Variants in STK32B observed in about 807,000 individuals in gnomAD.
The protein encoded by STK32B is serine/threonine-protein kinase 32B.
In STK32B, 43 loss-of-function variants were observed where a neutral mutation model predicts 52.6. The observed-to-expected ratio is 0.82, with a 90% confidence interval of 0.64 to 1.05. STK32B has a LOEUF of 1.05. Among genes scored for constraint, STK32B ranks in the 50% least tolerant of loss-of-function variants. The pLI is 0.00. For missense variants in STK32B, 621 were observed against 534.6 expected, an observed-to-expected ratio of 1.16 and a Z score of -1.59; for synonymous variants, 238 against 204.3, an observed-to-expected ratio of 1.17 and a Z score of -1.41.
intron 2 of STK32B, among the ~76,000 whole-genome samples, chr4:5,150,266 G>C (rs150912956): frequency 6.6e-6 from 1 of 151,974 alleles, no homozygotes; most frequent in Non-Finnish European, 1.5e-5. Flanking sequence ...CTTTATTTCA[G>C]TCATATTACC....
At chr4:5,056,285 A>T (rs886669695) in intron 1 of STK32B, among the ~76,000 whole-genome samples, 3 of 152,136 alleles carry the variant, frequency 2.0e-5, no homozygotes, top group African/African-American at 7.2e-5. Flanking sequence ...CCTGGTGCCA[A>T]AAAGGTTGGG....
chr4:5,041,999 C>T, the STK32B span, among the ~76,000 whole-genome samples: 1 of 152,162 alleles, frequency 6.6e-6, no homozygotes, highest in East Asian at 1.9e-4. Context: ...TCCAGGGAAT[C>T]ACATTAGCTT....
At chr4:5,212,147 G>A (rs1247831962) in intron 3 of STK32B, among the ~76,000 whole-genome samples, 1 of 151,988 alleles carries the variant, frequency 6.6e-6, no homozygotes, top group East Asian at 1.9e-4. Flanking sequence ...TGTGTGTCAG[G>A]GACCGCTCTG....
At position 5,276,907 on chromosome 4, in the gene STK32B, A is replaced by C. The variant is rs143999088; in HGVS notation, c.261-54313A>C. Among the ~76,000 whole-genome samples the C allele has an allele frequency of 1.6e-3, 240 of 152,226 alleles. 5 individuals carry two copies. Among genetic ancestry groups the C allele is most frequent in the Admixed American group, 0.014 (211 of 15,288 alleles). ...AGAGCAAGAGCCTGCAGGGTTTTCC[A>C]ATTTCCTCATTAATTGAGTCATATA... On this transcript the variant is annotated intron_variant, in intron 3 of 11. Transcript: ENST00000282908.
upstream of STK32B, among the ~76,000 whole-genome samples, chr4:5,049,524 G>C (rs1485036086): frequency 6.6e-6 from 1 of 152,190 alleles, no homozygotes; most frequent in Non-Finnish European, 1.5e-5. Context: ...TAAAGTCAAA[G>C]GGGTTCTCTG....
chr4:5,231,496 C>T (rs1323598493), intron 3 of STK32B, among the ~76,000 whole-genome samples: 4 of 152,096 alleles, frequency 2.6e-5, no homozygotes, highest in Non-Finnish European at 2.9e-5. Flanking sequence ...CCTGTAATCC[C>T]AGCTACTTGG....
chr4:5,029,652 A>C, the STK32B span, among the ~76,000 whole-genome samples: 2 of 152,140 alleles, frequency 1.3e-5, no homozygotes, highest in Non-Finnish European at 2.9e-5. Context: ...AGACGAACCC[A>C]GGCTGTCCGA....
chr4:5,465,269 C>T (rs984742664), intron 9 of STK32B, among the ~76,000 whole-genome samples: 2 of 152,136 alleles, frequency 1.3e-5, no homozygotes, highest in African/African-American at 4.8e-5. Context: ...TTTCTCATGT[C>T]AGCCTCACAG....
chr4:5,203,351 T>G (rs1722304911), intron 3 of STK32B, among the ~76,000 whole-genome samples: 1 of 152,076 alleles, frequency 6.6e-6, no homozygotes, highest in African/African-American at 2.4e-5. Context: ...ATAAACAATT[T>G]TTGCCCATTC....
chr4:5,142,456 C>A (rs1716549518), intron 2 of STK32B, among the ~76,000 whole-genome samples: 1 of 152,226 alleles, frequency 6.6e-6, no homozygotes, highest in Non-Finnish European at 1.5e-5. Flanking sequence ...CCAGACTTCA[C>A]TGTAGGCACA....
intron 2 of STK32B, among the ~76,000 whole-genome samples, chr4:5,155,028 C>G (rs975722387): frequency 5.3e-5 from 8 of 152,360 alleles, no homozygotes; most frequent in Non-Finnish European, 1.2e-4. Flanking sequence ...TCCTCTCTGT[C>G]TTCCTGCTCA....
intron 3 of STK32B, among the ~76,000 whole-genome samples, chr4:5,276,317 A>G (rs779711138): frequency 6.6e-5 from 10 of 152,066 alleles, no homozygotes; most frequent in Non-Finnish European, 1.5e-4. Context: ...TCATTTAACC[A>G]GGTTTATCAC....
At chr4:5,215,249 G>T (rs1723116985) in intron 3 of STK32B, among the ~76,000 whole-genome samples, 1 of 152,208 alleles carries the variant, frequency 6.6e-6, no homozygotes, top group Non-Finnish European at 1.5e-5. Flanking sequence ...CTTGGAATCT[G>T]CAGGGACAGT....
At chr4:5,282,525 T>C (rs928089413) in intron 3 of STK32B, among the ~76,000 whole-genome samples, 2 of 152,194 alleles carry the variant, frequency 1.3e-5, no homozygotes, top group Admixed American at 1.3e-4. Context: ...TCTCAAAATA[T>C]CTTACTATGC....
chr4:5,260,176 G>A (rs1560268131), intron 3 of STK32B, among the ~76,000 whole-genome samples: 1 of 152,168 alleles, frequency 6.6e-6, no homozygotes, highest in African/African-American at 2.4e-5. Context: ...TATATTAAGT[G>A]AAAAAGGGAG....
intron 3 of STK32B, among the ~76,000 whole-genome samples, chr4:5,326,181 A>G (rs926245848): frequency 4.6e-5 from 7 of 152,180 alleles, no homozygotes; most frequent in Non-Finnish European, 1.0e-4. Flanking sequence ...AGTTGAGAGT[A>G]CAGAACTCGC....
chr4:5,457,944 GAAGGAAGGAAGGAAGGA>G (rs1716705330), intron 8 of STK32B, among the ~76,000 whole-genome samples: 2 of 143,226 alleles, frequency 1.4e-5, no homozygotes. Context: ...GGGAGGGAAG[GAAGGAAGGAAGGAAGGA>G]AAGGAAAGAA....
At chr4:5,071,598 C>G (rs564338040) in intron 1 of STK32B, among the ~76,000 whole-genome samples, 2 of 152,276 alleles carry the variant, frequency 1.3e-5, no homozygotes, top group African/African-American at 4.8e-5. Context: ...TAATAAGTTT[C>G]AACACAGTTT....
At chr4:5,309,315 C>T (rs920863316) in intron 3 of STK32B, among the ~76,000 whole-genome samples, 2 of 151,674 alleles carry the variant, frequency 1.3e-5, no homozygotes, top group Non-Finnish European at 2.9e-5. Context: ...GACCATACTA[C>T]AAAAAGTGAC....
Sources: allele counts gnomAD v4.1 joint callset (sites outside exome capture counted in the v4.1 genomes callset), GRCh38; gene constraint gnomAD v4.1.1; transcripts MANE v1.5; gene names NCBI Gene and HGNC (gene_info 2026-07-23, HGNC 2026-07-21).